Variants in NDUFAF6 observed in about 807,000 individuals in gnomAD.
NDUFAF6 encodes the protein NADH:ubiquinone oxidoreductase complex assembly factor 6.
In NDUFAF6, 45 loss-of-function variants were observed where a neutral mutation model predicts 40.8. The observed-to-expected ratio is 1.10, with a 90% CI of 0.87 to 1.42. The LOEUF is 1.42. Ranked by LOEUF, NDUFAF6 falls within the 40% of genes most tolerant of loss-of-function variation. NDUFAF6 has a pLI of 0.00. For missense variants in NDUFAF6, 435 were observed against 418.5 expected, an observed-to-expected ratio of 1.04 and a Z score of -0.34; for synonymous variants, 185 against 155.9, an observed-to-expected ratio of 1.19 and a Z score of -1.39.
At chr8:94,953,789 G>T (rs531194328), upstream of NDUFAF6, among the ~76,000 whole-genome samples, 2 of 136,660 alleles carry the variant, frequency 1.5e-5, no homozygotes, top group Non-Finnish European at 3.1e-5. Context: ...ACCTATTTAA[G>T]GAAAACTCGT....
intron 8 of NDUFAF6, chr8:95,055,285 G>C (rs1464248525): frequency 6.6e-6 from 1 of 152,072 alleles, no homozygotes; most frequent in African/African-American, 2.4e-5. Context: ...CCTGCACAAG[G>C]ATGACACACA....
intron 9 of NDUFAF6, among the ~76,000 whole-genome samples, chr8:95,071,169 T>A (rs1419935916): frequency 6.6e-6 from 1 of 151,342 alleles, no homozygotes; most frequent in Non-Finnish European, 1.5e-5. Context: ...GGTGGGCGGA[T>A]CACGAGGTCA....
chr8:94,988,563 C>G (rs1472642454), intron 2 of NDUFAF6: 1 of 151,902 alleles, frequency 6.6e-6, no homozygotes, highest in Non-Finnish European at 1.5e-5. Flanking sequence ...AACAGCAAAC[C>G]AAGAAAGCAG....
chr8:95,100,923 C>A (rs559048275), intron 1 of NDUFAF6, among the ~76,000 whole-genome samples: 11 of 152,236 alleles, frequency 7.2e-5, no homozygotes, highest in African/African-American at 2.2e-4. Flanking sequence ...CCGTAAAAAG[C>A]GGGAATAGAA....
chr8:95,048,179 G>GT (rs1831023254), intron 6 of NDUFAF6, among the ~76,000 whole-genome samples: 1 of 152,136 alleles, frequency 6.6e-6, no homozygotes, highest in South Asian at 2.1e-4. Flanking sequence ...GGGTGACAGA[G>GT]TAAGACCCTG....
intron 2 of NDUFAF6, among the ~76,000 whole-genome samples, chr8:94,951,828 A>G (rs1822649114): frequency 1.3e-5 from 2 of 152,234 alleles, no homozygotes; most frequent in Admixed American, 1.3e-4. Flanking sequence ...ACTGGTTTAC[A>G]TAAATGCATG....
At chr8:95,011,060 G>A (rs976433641) in intron 2 of NDUFAF6, among the ~76,000 whole-genome samples, 7 of 152,204 alleles carry the variant, frequency 4.6e-5, no homozygotes. Flanking sequence ...TGGAAAGAGT[G>A]GGATCTTGGC....
chr8:94,968,125 G>T (rs1238641787), intron 1 of NDUFAF6, among the ~76,000 whole-genome samples: 1 of 152,170 alleles, frequency 6.6e-6, no homozygotes, highest in African/African-American at 2.4e-5. Flanking sequence ...GTTGCGGGTG[G>T]AAAGGAACAG....
At chr8:94,916,246 A>G (rs917883293) in intron 1 of NDUFAF6, among the ~76,000 whole-genome samples, 1 of 152,208 alleles carries the variant, frequency 6.6e-6, no homozygotes, top group African/African-American at 2.4e-5. Context: ...CACATTCAAC[A>G]TGGAATCGGA....
chr8:94,984,728 A>C (rs1444713776), intron 2 of NDUFAF6, among the ~76,000 whole-genome samples: 1 of 152,198 alleles, frequency 6.6e-6, no homozygotes, highest in African/African-American at 2.4e-5. Context: ...GCAGATGTGG[A>C]AGAGGCAGAA....
At chr8:94,962,073 C>T (rs78275715) in intron 1 of NDUFAF6, among the ~76,000 whole-genome samples, 2,025 of 152,300 alleles carry the variant, frequency 0.013, 27 homozygotes, top group South Asian at 0.021. Context: ...TGACATAGTT[C>T]CGGCCAATGA....
intron 1 of NDUFAF6, chr8:94,930,831 G>A (rs1820323944): frequency 7.9e-7 from 1 of 1,273,784 alleles, no homozygotes; most frequent in East Asian, 2.5e-5. Context: ...ATTTGTTTAT[G>A]GCTGAATGAG....
At chr8:95,095,903 G>A (rs755943315), upstream of NDUFAF6, among the ~76,000 whole-genome samples, 2 of 152,140 alleles carry the variant, frequency 1.3e-5, no homozygotes, top group African/African-American at 4.8e-5. Flanking sequence ...GGCCTCAAGC[G>A]ATCCGCCTGT....
chr8:94,976,049 T>G (rs1014391325), intron 1 of NDUFAF6: 1 of 148,902 alleles, frequency 6.7e-6, no homozygotes, highest in African/African-American at 2.5e-5. Context: ...ATACAAAAAA[T>G]TAGCCGGGCG....
At chr8:95,106,611 C>T (rs765660653), downstream of NDUFAF6, among the ~76,000 whole-genome samples, 13 of 152,090 alleles carry the variant, frequency 8.5e-5, no homozygotes, top group South Asian at 2.1e-4. Flanking sequence ...GCAATGGCAA[C>T]AAAAGCCAAA....
At chr8:94,970,253 CAA>C (rs891358442) in intron 1 of NDUFAF6, among the ~76,000 whole-genome samples, 7 of 62,934 alleles carry the variant, frequency 1.1e-4, no homozygotes, top group Admixed American at 3.5e-4. Context: ...GACTCCGTCT[CAA>C]AAAAAAAAAA....
chr8:95,082,647 GTTTGTTTTGT>G (rs528649760), intron 2 of NDUFAF6, among the ~76,000 whole-genome samples: 63 of 151,798 alleles, frequency 4.2e-4, no homozygotes, highest in African/African-American at 9.4e-4. Flanking sequence ...TTGTTTGTTT[GTTTGTTTTGT>G]TTTGTTTTGT....
At chr8:95,045,100 T>G (rs895509421) in intron 4 of NDUFAF6, among the ~76,000 whole-genome samples, 1 of 152,222 alleles carries the variant, frequency 6.6e-6, no homozygotes, top group African/African-American at 2.4e-5. Context: ...ACTGTGTGTC[T>G]TTGGACATGT....
In NDUFAF6 at chr8:94,925,549, C is replaced by CTTTT. The variant is rs1287916481; in HGVS notation, c.-935-19918_-935-19915dup. Among the ~76,000 whole-genome samples the CTTTT allele has an allele frequency of 3.5e-3, 471 of 135,404 alleles. 6 individuals carry two copies. Among genetic ancestry groups the CTTTT allele is most frequent in the African/African-American group, 0.012 (428 of 35,850 alleles). The allele number at this position is 135,404 out of a possible 152,430, so 88.8% of individuals were successfully genotyped here. Reference sequence around the variant, plus strand: ...CCTCATTTTAGGTTAAAAAGAAATCCTTTTTTTTTTTTTTTTTTTGAGACA... The same window carrying CTTTT: ...CCTCATTTTAGGTTAAAAAGAAATCCTTTTTTTTTTTTTTTTTTTTTTTGAGACA... On this transcript the variant is annotated intron_variant, in intron 1 of 14. Coordinates refer to the NDUFAF6 transcript ENST00000396113.
Sources: allele counts gnomAD v4.1 joint callset (sites outside exome capture counted in the v4.1 genomes callset), GRCh38; gene constraint gnomAD v4.1.1; transcripts MANE v1.5; gene names NCBI Gene and HGNC (gene_info 2026-07-23, HGNC 2026-07-21).